The following CDH18 variants were observed in gnomAD, a reference collection of about 807,000 sequenced individuals.
CDH18 encodes cadherin 18.
A neutral mutation model predicts 67.9 loss-of-function variants in CDH18; 31 were observed. The ratio of observed to expected loss-of-function variants is 0.46; its 90% CI spans 0.34 to 0.62. The LOEUF (loss-of-function observed/expected upper bound fraction) is 0.62, where lower values mean the gene tolerates loss of function less well. Ranked by LOEUF, CDH18 falls within the 20% of genes least tolerant of loss-of-function variation. The pLI, the probability that CDH18 is intolerant of heterozygous loss-of-function variation, is 0.01. For missense variants in CDH18, 890 were observed against 975.5 expected, an observed-to-expected ratio of 0.91 and a Z score of 1.17; for synonymous variants, 362 against 347.2, an observed-to-expected ratio of 1.04 and a Z score of -0.48.
chr5:20,410,409 T>C (rs563169565), intron 1 of CDH18, among the ~76,000 whole-genome samples: 1 of 151,696 alleles, frequency 6.6e-6, no homozygotes, highest in Non-Finnish European at 1.5e-5. Context: ...TAGATGCAAA[T>C]AAGCATTTGA....
intron 4 of CDH18, among the ~76,000 whole-genome samples, chr5:19,724,568 C>G (rs1253138142): frequency 2.6e-5 from 4 of 151,706 alleles, no homozygotes; most frequent in Middle Eastern, 3.2e-3. Context: ...TCTAGGGAAA[C>G]CTAACGACAA....
chr5:19,559,495 T>C (rs1243300074), intron 8 of CDH18, among the ~76,000 whole-genome samples: 1 of 151,866 alleles, frequency 6.6e-6, no homozygotes, highest in East Asian at 1.9e-4. Context: ...GTTAAAACAC[T>C]CATCAAAAAC....
intron 2 of CDH18, among the ~76,000 whole-genome samples, chr5:19,857,296 A>G (rs759264194): frequency 6.6e-6 from 1 of 152,140 alleles, no homozygotes; most frequent in Non-Finnish European, 1.5e-5. Context: ...CACTAGTCAC[A>G]ACTGGAAAGC....
chr5:19,763,245 A>G (rs557000423), intron 3 of CDH18, among the ~76,000 whole-genome samples: 1 of 152,366 alleles, frequency 6.6e-6, no homozygotes, highest in East Asian at 1.9e-4. Context: ...CTTAATGTAC[A>G]AGAAATGAAA....
intron 1 of CDH18, among the ~76,000 whole-genome samples, chr5:20,376,380 T>G (rs531476616): frequency 4.0e-5 from 6 of 151,612 alleles, no homozygotes; most frequent in African/African-American, 1.2e-4. Flanking sequence ...GAGCCACCGC[T>G]CCCGGCCAAA....
chr5:20,010,710 G>A (rs968616809), intron 2 of CDH18, among the ~76,000 whole-genome samples: 1 of 152,104 alleles, frequency 6.6e-6, no homozygotes, highest in African/African-American at 2.4e-5. Context: ...TTCTGGTTGT[G>A]CCTTCTCAAG....
At chr5:19,558,517 T>A (rs1580200515) in intron 8 of CDH18, among the ~76,000 whole-genome samples, 1 of 152,010 alleles carries the variant, frequency 6.6e-6, no homozygotes, top group Admixed American at 6.6e-5. Context: ...TATGAACAAC[T>A]TTATGCACAT....
rs1055449600 is a variant in CDH18, at chr5:19,970,661, G to T, written c.-257+10399C>A. Among the ~76,000 whole-genome samples the T allele has an allele frequency of 2.6e-5, 4 of 151,684 alleles. No individual in the cohort carries two copies. The South Asian group carries it at 8.3e-4, about 32-fold the overall frequency. ...AAATGAAGAAATATTTAAATGCTAAGTTCACGAGACTCATGGGAATACAGT... is the reference window on the plus strand; with the variant it reads ...AAATGAAGAAATATTTAAATGCTAATTTCACGAGACTCATGGGAATACAGT... On this transcript the variant is annotated intron_variant, in intron 2 of 12. Coordinates refer to ENST00000382275, the MANE Select transcript of CDH18 (RefSeq NM_004934.5).
At chr5:19,590,938 G>A (rs968848196) in intron 7 of CDH18, 119 bp downstream of exon 7, 2 of 560,770 alleles carry the variant, frequency 3.6e-6, no homozygotes, top group Non-Finnish European at 6.3e-6. Flanking sequence ...ATATCGCAAA[G>A]TGACAATATT....
intron 9 of CDH18, among the ~76,000 whole-genome samples, chr5:19,539,430 A>G (rs943491428): frequency 1.3e-5 from 2 of 152,234 alleles, no homozygotes; most frequent in Non-Finnish European, 2.9e-5. Flanking sequence ...ATTTTCATGA[A>G]TGCATGAACT....
At chr5:19,568,907 G>C (rs1740897702) in intron 8 of CDH18, among the ~76,000 whole-genome samples, 1 of 152,160 alleles carries the variant, frequency 6.6e-6, no homozygotes, top group Admixed American at 6.6e-5. Flanking sequence ...TCCCTTGCAG[G>C]GGGGTGGATT....
rs114743267 is a variant in CDH18, at chr5:19,670,938, A to G, written c.643+50409T>C. On this transcript the variant is annotated intron_variant, in intron 5 of 12. Transcript: ENST00000382275. ...GTCTAGTTTATTTTGTGGCTAAACC[A>G]AATGTATAAGTGATGAAAAAGAAAA... Among the ~76,000 whole-genome samples the G allele has an allele frequency of 7.5e-3, 1,138 of 152,264 alleles. 15 individuals carry two copies. Among genetic ancestry groups the G allele is most frequent in the African/African-American group, 0.026 (1,079 of 41,570 alleles).
At chr5:20,357,139 A>C (rs1460310174) in intron 1 of CDH18, among the ~76,000 whole-genome samples, 1 of 152,022 alleles carries the variant, frequency 6.6e-6, no homozygotes, top group Non-Finnish European at 1.5e-5. Flanking sequence ...GATGGCTTTT[A>C]ATACATACAT....
chr5:20,493,155 C>T (rs1461199836), intron 1 of CDH18, among the ~76,000 whole-genome samples: 1 of 151,756 alleles, frequency 6.6e-6, no homozygotes, highest in Admixed American at 6.6e-5. Context: ...TTGTGACCAG[C>T]CTGGCCAACA....
chr5:20,379,612 A>T (rs1180992991), intron 1 of CDH18, among the ~76,000 whole-genome samples: 1 of 152,156 alleles, frequency 6.6e-6, no homozygotes, highest in Non-Finnish European at 1.5e-5. Context: ...AAATAAAAAC[A>T]TGATGAATGA....
intron 2 of CDH18, among the ~76,000 whole-genome samples, chr5:19,896,909 G>T (rs901122364): frequency 6.6e-6 from 1 of 152,038 alleles, no homozygotes; most frequent in African/African-American, 2.4e-5. Flanking sequence ...TGTTACCTTA[G>T]ATTTGCATGT....
chr5:19,486,425 T>G (rs527612033), intron 11 of CDH18, among the ~76,000 whole-genome samples: 10 of 151,966 alleles, frequency 6.6e-5, no homozygotes, highest in African/African-American at 2.4e-4. Flanking sequence ...CACAATAAAA[T>G]ACGTCTTGCT....
chr5:19,948,684 T>C (rs1479178512), intron 2 of CDH18, among the ~76,000 whole-genome samples: 2 of 152,016 alleles, frequency 1.3e-5, no homozygotes, highest in Non-Finnish European at 2.9e-5. Flanking sequence ...ACAAATAACT[T>C]TAGAAATCTG....
rs1239111182 is a variant in CDH18, at chr5:20,429,884, A to G, written c.-580+145578T>C. On this transcript the variant is annotated intron_variant, in intron 1 of 14. Transcript: ENST00000507958. ...ATAATGCCAATACTAGTACATATTTATTCAGCAAAGTAATTTAATAACAAT... is the reference window on the plus strand; with the variant it reads ...ATAATGCCAATACTAGTACATATTTGTTCAGCAAAGTAATTTAATAACAAT... Among the ~76,000 whole-genome samples, 3 of 152,216 alleles carry G rather than the reference A, an allele frequency of 2.0e-5. No homozygotes were observed. The South Asian group carries it at 6.2e-4, about 32-fold the overall frequency.
Sources: gnomAD v4.1 joint callset for allele counts (sites outside exome capture counted in the v4.1 genomes callset) on GRCh38, gnomAD v4.1.1 for gene constraint, MANE v1.5 for transcripts, NCBI Gene and HGNC (gene_info 2026-07-23, HGNC 2026-07-21) for gene names.